The following MLPH variants were observed in gnomAD, a reference collection of about 807,000 sequenced individuals.
MLPH encodes the protein melanophilin, also known as exophilin-3.
A neutral mutation model predicts 72.1 loss-of-function variants in MLPH; 51 were observed. The ratio of observed to expected loss-of-function variants is 0.71; its 90% CI spans 0.56 to 0.89. The LOEUF (loss-of-function observed/expected upper bound fraction) is 0.89, where lower values mean the gene tolerates loss of function less well. Ranked by LOEUF, MLPH falls within the 40% of genes least tolerant of loss-of-function variation. MLPH has a pLI of 0.00. For missense variants in MLPH, 743 were observed against 759.9 expected (o/e 0.98, Z 0.26); for synonymous variants, 301 against 310.1 (o/e 0.97, Z 0.31).
chr2:237,511,266 GCT>G (rs2079896659), intron 4 of MLPH, 165 bp downstream of exon 4: 1 of 530,322 alleles, frequency 1.9e-6, no homozygotes, highest in Non-Finnish European at 3.2e-6. Flanking sequence ...GCTTCTGGCT[GCT>G]TTTTTTTTTT....
intron 2 of MLPH, among the ~76,000 whole-genome samples, chr2:237,494,596 TG>T: frequency 6.6e-6 from 1 of 151,372 alleles, no homozygotes; most frequent in South Asian, 2.1e-4. Context: ...AGAGATCAGA[TG>T]GGGGGTCTCC....
intron 14 of MLPH, chr2:237,552,082 A>C (rs2081051504): frequency 2.1e-6 from 1 of 467,538 alleles, no homozygotes. Context: ...CATTAGTGTG[A>C]GGATTTCCAG....
At chr2:237,501,662 A>AC (rs1250355526) in intron 2 of MLPH, among the ~76,000 whole-genome samples, 2 of 109,344 alleles carry the variant, frequency 1.8e-5, no homozygotes, top group Admixed American at 8.6e-5. Flanking sequence ...CCACGTCTCT[A>AC]CTAAAAAAAA....
intron 6 of MLPH, 102 bp from the exon 7 acceptor site, chr2:237,525,499 G>C: frequency 8.4e-7 from 1 of 1,187,422 alleles, no homozygotes; most frequent in Non-Finnish European, 1.2e-6. Flanking sequence ...GGTCAGTCAA[G>C]TGCCTGGAAA....
chr2:237,542,653 C>G lies in MLPH; in HGVS notation c.1533C>G (p.Asn511Lys), dbSNP rs767581622. The G allele has an allele frequency of 2.3e-5, 37 of 1,575,132 alleles. No individual in the cohort carries two copies. In the East Asian group the frequency reaches 8.1e-4, roughly 34 times the overall value. Residue 511 changes from asparagine to lysine, a missense_variant, in exon 12 of 16, where the codon AAC (asparagine) becomes AAG (lysine). Transcript: ENST00000264605. ...KPSGKPRRKSNLPIFLPRVAG... is the reference protein window; with the variant it reads ...KPSGKPRRKSKLPIFLPRVAG... ...CGGGAAAGCCCCGGAGGAAGTCAAACCTCCCGGTGAGTGGGGGGCAGTGGT... is the reference window on the plus strand; with the variant it reads ...CGGGAAAGCCCCGGAGGAAGTCAAAGCTCCCGGTGAGTGGGGGGCAGTGGT...
intron 9 of MLPH, 60 bp downstream of exon 9, chr2:237,534,707 T>TGAA: frequency 7.4e-7 from 1 of 1,344,594 alleles, no homozygotes; most frequent in Non-Finnish European, 1.1e-6. Flanking sequence ...TAAAGGAGGC[T>TGAA]GAAGTGTGAC....
intron 6 of MLPH, among the ~76,000 whole-genome samples, chr2:237,523,361 C>T (rs569805156): frequency 1.5e-4 from 23 of 152,232 alleles, no homozygotes; most frequent in African/African-American, 4.8e-4. Flanking sequence ...GTTATAGCAG[C>T]GGAATAATTC....
Position 237,540,867 on chromosome 2 carries a change from C to A in MLPH, c.1356C>A (p.Val452=). 4 of 1,613,406 alleles carry A rather than the reference C, an allele frequency of 2.5e-6. No homozygotes were observed. Among genetic ancestry groups the A allele is most frequent in the Non-Finnish European group, 3.4e-6 (4 of 1,179,976 alleles). ...EKSPQDPGDP[V]QYNRTTDEEL... is the part of the protein sequence containing the mutation. ...GCCCCCAGGACCCTGGGGACCCCGTCCAGTACAACAGGACCACAGATGAGG... is the reference window on the plus strand; with the variant it reads ...GCCCCCAGGACCCTGGGGACCCCGTACAGTACAACAGGACCACAGATGAGG... Residue 452 remains valine (V), a synonymous_variant, in exon 11 of 16, where the codon GTC becomes GTA. Transcript: ENST00000264605.
At chr2:237,509,066 C>T (rs911365790) in intron 2 of MLPH, among the ~76,000 whole-genome samples, 1 of 152,192 alleles carries the variant, frequency 6.6e-6, no homozygotes, top group African/African-American at 2.4e-5. Flanking sequence ...GGATCGGAAG[C>T]TCCGGGTCTT....
chr2:237,551,774 T>C (rs1012577421), intron 14 of MLPH, among the ~76,000 whole-genome samples: 13 of 151,660 alleles, frequency 8.6e-5, no homozygotes, highest in African/African-American at 2.9e-4. Context: ...AGTCAGGAGT[T>C]CGAGACCAGC....
In MLPH at chr2:237,539,876, G is replaced by C. The variant is rs867130770; in HGVS notation, c.1105-472G>C. The stretch of plus-strand genomic sequence containing the variant: ...CAGGAGCAGTGTGCCCCAGAGGAGT[G>C]TCCCACAGCAGCTGCTAAATGAATC... On this transcript the variant is annotated intron_variant, in intron 9 of 15. Coordinates refer to ENST00000264605, the MANE Select transcript of MLPH (RefSeq NM_024101.7). Among the ~76,000 whole-genome samples, 22 of 152,244 alleles carry C rather than the reference G, an allele frequency of 1.4e-4. No individual in the cohort carries two copies. In the South Asian group the frequency reaches 4.1e-3, roughly 29 times the overall value.
intron 1 of MLPH, among the ~76,000 whole-genome samples, chr2:237,488,680 A>AC (rs1553584770): frequency 1.3e-5 from 2 of 152,210 alleles, no homozygotes; most frequent in Non-Finnish European, 2.9e-5. Context: ...CGGCACACAC[A>AC]TGGGGAGTCA....
chr2:237,494,476 C>A (rs144425037), intron 2 of MLPH, among the ~76,000 whole-genome samples: 12 of 152,292 alleles, frequency 7.9e-5, no homozygotes, highest in Middle Eastern at 3.4e-3. Context: ...TCCCCTGAGT[C>A]ACCACAGACC....
intron 5 of MLPH, among the ~76,000 whole-genome samples, chr2:237,519,025 G>A (rs935003357): frequency 6.6e-6 from 1 of 152,198 alleles, no homozygotes; most frequent in African/African-American, 2.4e-5. Context: ...TTTCAGAGAA[G>A]TGGACCCCTC....
At chr2:237,514,800 G>T (rs1240723123) in intron 4 of MLPH, among the ~76,000 whole-genome samples, 2 of 152,158 alleles carry the variant, frequency 1.3e-5, no homozygotes, top group Non-Finnish European at 2.9e-5. Flanking sequence ...AATGTACCAT[G>T]CTGCCTCCCC....
chr2:237,554,929 T>A lies in MLPH; in HGVS notation c.*1337T>A, dbSNP rs1371306491. ...GTGGCATCAGATAAAAACGTGGGAG[T>A]TTTTCCATATAATTCCCAGCCTTAC... On this transcript the variant is annotated 3_prime_UTR_variant, in exon 16 of 16. Transcript: ENST00000264605. The A allele has an allele frequency of 6.6e-6, 1 of 151,372 alleles. No individual in the cohort carries two copies. The highest frequency in any genetic ancestry group is 1.5e-5 in the Non-Finnish European group (1 of 67,906). The allele number at this position is 151,372 out of a possible 1,614,324, so 9.4% of individuals were successfully genotyped here.
chr2:237,511,107 G>C lies in MLPH; in HGVS notation c.445+6G>C. On this transcript the variant is annotated splice_donor_region_variant and intron_variant, in intron 4 of 15. Transcript: ENST00000264605. Reference sequence around the variant, plus strand: ...CGGGCGGCTGCAGGGTGGAGGTAAGGAGTGGAGAGTAAGAACGGCTTTTTG... The same window carrying C: ...CGGGCGGCTGCAGGGTGGAGGTAAGCAGTGGAGAGTAAGAACGGCTTTTTG... 6.2e-7 allele frequency: 1 copy of C among 1,610,676 alleles called. No individual in the cohort carries two copies. The highest frequency in any genetic ancestry group is 8.5e-7 in the Non-Finnish European group (1 of 1,177,150).
intron 4 of MLPH, among the ~76,000 whole-genome samples, chr2:237,511,905 T>A (rs2079911806): frequency 6.6e-6 from 1 of 152,194 alleles, no homozygotes; most frequent in South Asian, 2.1e-4. Flanking sequence ...CATTTGAGTT[T>A]GAAGGGAGCT....
intron 4 of MLPH, 118 bp downstream of exon 4, chr2:237,511,219 C>A (rs1262601502): frequency 1.5e-5 from 11 of 749,362 alleles, no homozygotes; most frequent in African/African-American, 8.7e-5. Context: ...TGTGTGTGCA[C>A]ATGTGTGTGC....
Sources: allele counts gnomAD v4.1 joint callset (sites outside exome capture counted in the v4.1 genomes callset), GRCh38; gene constraint gnomAD v4.1.1; transcripts MANE v1.5; gene names NCBI Gene and HGNC (gene_info 2026-07-23, HGNC 2026-07-21).